Variants in MMP16 observed in about 807,000 individuals in gnomAD.
MMP16 encodes the protein matrix metalloproteinase-16.
In MMP16, 12 loss-of-function variants were observed where a neutral mutation model predicts 67.8. That is an observed-to-expected ratio of 0.18 (90% CI 0.11 to 0.29). MMP16 has a LOEUF of 0.29. Ranked by LOEUF, MMP16 falls within the 10% of genes least tolerant of loss-of-function variation. The probability of loss-of-function intolerance (pLI) is 1.00; values close to 1 mark genes in which losing one functional copy is unlikely to be tolerated. For synonymous variants in MMP16, 249 were observed against 255.9 expected (o/e 0.97, Z 0.26); for missense variants, 475 against 765.7 (o/e 0.62, Z 4.48).
Position 88,304,289 on chromosome 8 carries a change from G to C in MMP16, c.132+22786C>G, listed in dbSNP as rs145855834. 4.3e-4 allele frequency among the ~76,000 whole-genome samples: 66 copies of C among 152,194 alleles called. 1 individual carries two copies. The highest frequency in any genetic ancestry group is 1.5e-3 in the African/African-American group (64 of 41,542). ...GTAAACAAAACCTCTGAGAAATATA[G>C]GATTATGTAAAGAGACTGAACCTTC... On this transcript the variant is annotated intron_variant, in intron 1 of 9. Transcript: ENST00000286614.
intron 6 of MMP16, among the ~76,000 whole-genome samples, chr8:88,108,817 G>C (rs1041521750): frequency 6.6e-6 from 1 of 151,216 alleles, no homozygotes; most frequent in African/African-American, 2.4e-5. Flanking sequence ...CCAATATTAA[G>C]TTTTTTCCAT....
Position 88,327,412 on chromosome 8 carries a change from A to G in MMP16, c.-206T>C. ...CAGCGGCGAAGACAGGGTCAGCAGT[A>G]GTTCCTGTTCACCATCCTCCGGGGT... On this transcript the variant is annotated 5_prime_UTR_variant, in exon 1 of 10. Coordinates refer to ENST00000286614, the MANE Select transcript of MMP16 (RefSeq NM_005941.5). The G allele has an allele frequency of 5.4e-6, 3 of 555,170 alleles. No homozygotes were observed. The highest frequency in any genetic ancestry group is 9.6e-6 in the Non-Finnish European group (3 of 311,268). The allele number at this position is 555,170 out of a possible 1,614,324, so 34.4% of individuals were successfully genotyped here. A position where few individuals can be genotyped will look rare whatever the true frequency, so the allele number is the denominator to read the frequency against.
intron 3 of MMP16, among the ~76,000 whole-genome samples, chr8:88,179,633 T>A (rs1808947246): frequency 6.6e-6 from 1 of 152,184 alleles, no homozygotes; most frequent in African/African-American, 2.4e-5. Context: ...TATTGGGTTA[T>A]TATAGCACAT....
chr8:88,178,021 A>AG lies in MMP16; in HGVS notation c.404+8454dup, dbSNP rs577915837. ...ACAGGAGGAGACAAAGAAAAAAAAA[A>AG]GAACTCTAGAAGAAATTCAGTTACA... is the stretch of plus-strand genomic sequence containing the variant. On this transcript the variant is annotated intron_variant, in intron 3 of 9. Transcript: ENST00000286614. Among the ~76,000 whole-genome samples the AG allele has an allele frequency of 9.9e-4, 151 of 152,198 alleles. 1 individual carries two copies. The highest frequency in any genetic ancestry group is 3.6e-3 in the African/African-American group (148 of 41,568).
chr8:88,134,412 A>C (rs965927071), intron 4 of MMP16, among the ~76,000 whole-genome samples: 4 of 151,742 alleles, frequency 2.6e-5, no homozygotes, highest in African/African-American at 9.7e-5. Context: ...ATTTTTATAA[A>C]ATATGTACCT....
intron 4 of MMP16, among the ~76,000 whole-genome samples, chr8:88,160,265 T>C (rs1808594737): frequency 6.6e-6 from 1 of 151,960 alleles, no homozygotes; most frequent in Non-Finnish European, 1.5e-5. Context: ...AATGATGATT[T>C]CCAATTTCAT....
chr8:88,130,523 T>G (rs558364359), intron 4 of MMP16, among the ~76,000 whole-genome samples: 15 of 151,800 alleles, frequency 9.9e-5, no homozygotes, highest in Non-Finnish European at 1.9e-4. Context: ...TGTGGTTTAT[T>G]CCACATATTC....
intron 1 of MMP16, among the ~76,000 whole-genome samples, chr8:88,210,573 A>G (rs1809498031): frequency 6.6e-6 from 1 of 152,126 alleles, no homozygotes; most frequent in Non-Finnish European, 1.5e-5. Flanking sequence ...ACCCAGTAGG[A>G]AGTCCAGTGC....
intron 1 of MMP16, among the ~76,000 whole-genome samples, chr8:88,206,599 C>T (rs1809430712): frequency 6.6e-6 from 1 of 152,182 alleles, no homozygotes; most frequent in African/African-American, 2.4e-5. Flanking sequence ...ATCTGTGATT[C>T]TAAGCTGGAA....
chr8:88,160,677 T>G (rs945641528), intron 4 of MMP16, among the ~76,000 whole-genome samples: 9 of 152,092 alleles, frequency 5.9e-5, no homozygotes, highest in Non-Finnish European at 1.3e-4. Context: ...ACTTTTACAC[T>G]GTTGGTGGGA....
chr8:88,116,635 T>C lies in MMP16; in HGVS notation c.955A>G (p.Lys319Glu), dbSNP rs373778123. ...CGAGGAGGTTTTGGCCTGTCATTTTTCCTTGGGTCAGCCGGAGGAATAGAG... is the reference window on the plus strand; with the variant it reads ...CGAGGAGGTTTTGGCCTGTCATTTTCCCTTGGGTCAGCCGGAGGAATAGAG... The part of the protein sequence containing the change: ...HRSIPPADPR[K>E]NDRPKPPRPP... Residue 319 changes from lysine to glutamate, a missense_variant, in exon 6 of 10, where the codon AAA becomes GAA. This residue lies in a region of MMP16 where 195 missense variants were observed against 300.9 expected (regional missense o/e 0.65). Coordinates refer to ENST00000286614, the MANE Select transcript of MMP16 (RefSeq NM_005941.5). The C allele has an allele frequency of 4.4e-5, 71 of 1,613,794 alleles. No individual in the cohort carries two copies. The highest frequency in any genetic ancestry group is 5.3e-5 in the Non-Finnish European group (63 of 1,179,910).
At chr8:88,124,438 T>C (rs1315829976) in intron 4 of MMP16, among the ~76,000 whole-genome samples, 1 of 151,910 alleles carries the variant, frequency 6.6e-6, no homozygotes, top group African/African-American at 2.4e-5. Flanking sequence ...ACAGAGTAAA[T>C]AGCAGAAACT....
rs143829029 is a variant in MMP16, at chr8:88,240,807, C to T, written c.133-43501G>A. Among the ~76,000 whole-genome samples the T allele has an allele frequency of 5.0e-3, 758 of 152,234 alleles. 11 individuals are homozygous for T. The highest frequency in any genetic ancestry group is 0.018 in the African/African-American group (728 of 41,556). ...TAAAATTACCTATTCCCTATTCATGCATGCTTTCTATTTTATAATTATTAA... is the reference window on the plus strand; with the variant it reads ...TAAAATTACCTATTCCCTATTCATGTATGCTTTCTATTTTATAATTATTAA... On this transcript the variant is annotated intron_variant, in intron 1 of 9. Coordinates refer to ENST00000286614, the MANE Select transcript of MMP16 (RefSeq NM_005941.5).
chr8:88,089,320 A>G (rs1189345371), intron 6 of MMP16, among the ~76,000 whole-genome samples: 4 of 152,058 alleles, frequency 2.6e-5, no homozygotes, highest in Non-Finnish European at 5.9e-5. Flanking sequence ...GCACAAAATA[A>G]TCTATGCTTC....
chr8:88,155,659 A>G (rs997430244), intron 4 of MMP16, among the ~76,000 whole-genome samples: 3 of 152,032 alleles, frequency 2.0e-5, no homozygotes, highest in Non-Finnish European at 4.4e-5. Flanking sequence ...CTTGGCTTTC[A>G]TATCATTTTA....
chr8:88,182,337 C>T (rs950801009), intron 3 of MMP16, among the ~76,000 whole-genome samples: 1 of 151,930 alleles, frequency 6.6e-6, no homozygotes, highest in Admixed American at 6.6e-5. Context: ...ACAGACACCT[C>T]GCCAAAGAAG....
At chr8:88,065,740 T>C (rs1361695500) in intron 7 of MMP16, among the ~76,000 whole-genome samples, 1 of 152,138 alleles carries the variant, frequency 6.6e-6, no homozygotes, top group Non-Finnish European at 1.5e-5. Flanking sequence ...TCAAATGAAC[T>C]TCATGAATAC....
intron 1 of MMP16, among the ~76,000 whole-genome samples, chr8:88,270,848 CA>C (rs1420361675): frequency 6.6e-6 from 1 of 152,180 alleles, no homozygotes; most frequent in Admixed American, 6.5e-5. Flanking sequence ...GTCTTCCCAA[CA>C]GATCTAGAAA....
At chr8:88,149,623 T>C (rs1289011747) in intron 4 of MMP16, among the ~76,000 whole-genome samples, 1 of 151,278 alleles carries the variant, frequency 6.6e-6, no homozygotes, top group East Asian at 2.0e-4. Context: ...CACGGCAGGG[T>C]ATTCCAACAG....
Sources: gnomAD v4.1 joint callset for allele counts (sites outside exome capture counted in the v4.1 genomes callset) on GRCh38, gnomAD v4.1.1 for gene constraint, gnomAD v4.1.1 regional missense constraint, MANE v1.5 for transcripts, NCBI Gene and HGNC (gene_info 2026-07-23, HGNC 2026-07-21) for gene names.